The following SLC22A23 variants were observed in gnomAD, a reference collection of about 807,000 sequenced individuals.
The protein encoded by SLC22A23 is ion transporter protein.
SLC22A23 carries 26 observed loss-of-function variants against 61.0 expected under a neutral mutation model. The ratio of observed to expected loss-of-function variants is 0.43; its 90% CI spans 0.31 to 0.59. The LOEUF is 0.59. Ranked by LOEUF, SLC22A23 falls within the 20% of genes least tolerant of loss-of-function variation. The pLI is 0.11. For synonymous variants in SLC22A23, 430 were observed against 413.9 expected (o/e 1.04, Z -0.47); for missense variants, 796 against 934.7 (o/e 0.85, Z 1.94).
At chr6:3,373,538 T>C (rs1226850863) in intron 3 of SLC22A23, among the ~76,000 whole-genome samples, 1 of 152,102 alleles carries the variant, frequency 6.6e-6, no homozygotes, top group Non-Finnish European at 1.5e-5. Context: ...AGCAGTGCTT[T>C]GTGAGGCATA....
chr6:3,416,202 T>C (rs1216939205), intron 1 of SLC22A23, among the ~76,000 whole-genome samples: 1 of 152,182 alleles, frequency 6.6e-6, no homozygotes, highest in Non-Finnish European at 1.5e-5. Flanking sequence ...GGACCAGTGG[T>C]CCCTCACCAT....
intron 3 of SLC22A23, among the ~76,000 whole-genome samples, chr6:3,350,385 A>C (rs913806747): frequency 2.0e-5 from 3 of 152,224 alleles, no homozygotes; most frequent in African/African-American, 7.2e-5. Flanking sequence ...GGACATTTTT[A>C]AATGGTTCAA....
intron 3 of SLC22A23, among the ~76,000 whole-genome samples, chr6:3,346,829 G>A (rs1482027913): frequency 6.6e-6 from 1 of 152,172 alleles, no homozygotes; most frequent in Non-Finnish European, 1.5e-5. Flanking sequence ...TTCTAACCTA[G>A]GACCTGGCAA....
chr6:3,324,307 A>C lies in SLC22A23; in HGVS notation c.914-305T>G. 3.0e-6 allele frequency: 1 copy of C among 329,966 alleles called. No homozygotes were observed. Among genetic ancestry groups the C allele is most frequent in the Non-Finnish European group, 5.7e-6 (1 of 176,748 alleles). 20.4% of individuals were successfully genotyped at this position (329,966 alleles called of 1,614,324 possible). A position where few individuals can be genotyped will look rare whatever the true frequency, so the allele number is the denominator to read the frequency against. ...GTACTGCCTATGGGACAGATCGCCC[A>C]TTGTTCCTGCTTCCTCTGCTCTCCA... On this transcript the variant is annotated intron_variant, in intron 3 of 9. Coordinates refer to ENST00000406686, the MANE Select transcript of SLC22A23 (RefSeq NM_015482.2). The surrounding 1 kb of genome is among the most constrained non-coding windows in gnomAD (Gnocchi z 4.3).
rs944038674 is a variant in SLC22A23 at position 3,327,013 on chromosome 6, C to T, written c.914-3011G>A. On this transcript the variant is annotated intron_variant, in intron 3 of 9. Coordinates refer to ENST00000406686, the MANE Select transcript of SLC22A23 (RefSeq NM_015482.2). The surrounding 1 kb of genome is among the most constrained non-coding windows in gnomAD (Gnocchi z 4.1). ...GGTGGATCGTTTCTGCTGGGAGGGA[C>T]GGGGACTGCAGGTGGATCGTTTCTG... is the stretch of plus-strand genomic sequence containing the variant. 1.3e-4 allele frequency among the ~76,000 whole-genome samples: 19 copies of T among 151,600 alleles called. No homozygotes were observed. Among genetic ancestry groups the T allele is most frequent in the Non-Finnish European group, 1.5e-4 (10 of 67,908 alleles).
chr6:3,331,428 C>T (rs1763574605), intron 3 of SLC22A23, among the ~76,000 whole-genome samples: 1 of 152,158 alleles, frequency 6.6e-6, no homozygotes, highest in Admixed American at 6.5e-5. Flanking sequence ...CAGTGCCCCC[C>T]AATCAATTAT....
At chr6:3,425,419 A>G (rs1043264257) in intron 1 of SLC22A23, among the ~76,000 whole-genome samples, 3 of 150,534 alleles carry the variant, frequency 2.0e-5, no homozygotes, top group South Asian at 4.2e-4. Context: ...CGAGTAGCTG[A>G]GACTACAGGC....
At chr6:3,398,810 G>C (rs562273093) in intron 3 of SLC22A23, among the ~76,000 whole-genome samples, 1 of 152,096 alleles carries the variant, frequency 6.6e-6, no homozygotes, top group East Asian at 1.9e-4. Context: ...TGGGAGAACT[G>C]CTTTATCCAG....
At chr6:3,305,851 A>G (rs73352947) in intron 4 of SLC22A23, among the ~76,000 whole-genome samples, 2,229 of 152,324 alleles carry the variant, frequency 0.015, 50 homozygotes, top group African/African-American at 0.051. Flanking sequence ...CCTGGGAGAA[A>G]GCCTTGAAGT....
At chr6:3,275,336 T>C (rs1758794372) in intron 9 of SLC22A23, among the ~76,000 whole-genome samples, 1 of 152,190 alleles carries the variant, frequency 6.6e-6, no homozygotes, top group Non-Finnish European at 1.5e-5. Flanking sequence ...AAAATCTAAG[T>C]GCTTAACTTA....
At chr6:3,408,527 C>T (rs1249695762) in intron 3 of SLC22A23, among the ~76,000 whole-genome samples, 1 of 152,250 alleles carries the variant, frequency 6.6e-6, no homozygotes, top group African/African-American at 2.4e-5. Flanking sequence ...TCCCTACCCT[C>T]CTTCCTTGAC....
Position 3,456,338 on chromosome 6 carries a change from G to T in SLC22A23, c.222C>A (p.Ser74Arg). The change falls in exon 1 of 10, where the codon AGC becomes AGA. Residue 74 changes from serine (S) to arginine (R), a missense_variant. Transcript: ENST00000406686. The surrounding 1 kb of genome is among the most constrained non-coding windows in gnomAD (Gnocchi z 7.1). ...ACCCGTCATAGTCCAGCAACAAGAG[G>T]CTCGGGGCCGCAGCCGCGGAGCAGC... ...PSCCSAAAAP[S>R]LLLLDYDGSV... 1.3e-6 allele frequency: 2 copies of T among 1,549,004 alleles called. No homozygotes were observed. Among genetic ancestry groups the T allele is most frequent in the Non-Finnish European group, 1.7e-6 (2 of 1,146,300 alleles).
At chr6:3,292,475 A>G (rs1760691456) in intron 5 of SLC22A23, among the ~76,000 whole-genome samples, 2 of 152,172 alleles carry the variant, frequency 1.3e-5, no homozygotes, top group African/African-American at 4.8e-5. Flanking sequence ...GCGAGCACCC[A>G]GCTCCCATGC....
At chr6:3,440,441 C>T (rs1299441227) in intron 1 of SLC22A23, among the ~76,000 whole-genome samples, 2 of 152,024 alleles carry the variant, frequency 1.3e-5, no homozygotes, top group African/African-American at 2.4e-5. Context: ...GGTGCGGTGG[C>T]TCATGCCTGT....
chr6:3,315,876 A>C (rs924278459), intron 4 of SLC22A23, among the ~76,000 whole-genome samples: 1 of 149,788 alleles, frequency 6.7e-6, no homozygotes, highest in Admixed American at 6.6e-5. Flanking sequence ...AAAAAAAAAG[A>C]AAAGAAAAGA....
At chr6:3,280,232 G>A (rs1226632220) in intron 9 of SLC22A23, among the ~76,000 whole-genome samples, 1 of 152,208 alleles carries the variant, frequency 6.6e-6, no homozygotes, top group African/African-American at 2.4e-5. Context: ...GGTGCCTGTA[G>A]TCAGTTTTGT....
intron 3 of SLC22A23, among the ~76,000 whole-genome samples, chr6:3,369,194 C>T (rs899133171): frequency 2.0e-5 from 3 of 152,028 alleles, no homozygotes; most frequent in African/African-American, 7.2e-5. Flanking sequence ...CTGGTAAAAA[C>T]CATGTGAATT....
intron 9 of SLC22A23, among the ~76,000 whole-genome samples, chr6:3,278,832 A>T (rs1266343938): frequency 6.6e-6 from 1 of 152,200 alleles, no homozygotes; most frequent in East Asian, 1.9e-4. Flanking sequence ...ATTTTCTCGG[A>T]AACCTCCCAG....
At chr6:3,315,203 G>A (rs1159593494) in intron 4 of SLC22A23, among the ~76,000 whole-genome samples, 1 of 152,126 alleles carries the variant, frequency 6.6e-6, no homozygotes, top group Non-Finnish European at 1.5e-5. Flanking sequence ...TTCCTGCAGG[G>A]TTGGAGGGAT....
Sources: allele counts gnomAD v4.1 joint callset (sites outside exome capture counted in the v4.1 genomes callset), GRCh38; gene constraint gnomAD v4.1.1; non-coding constraint Gnocchi (gnomAD v3.1); transcripts MANE v1.5; gene names NCBI Gene and HGNC (gene_info 2026-07-23, HGNC 2026-07-21).